Variants in VWA8 observed in about 807,000 individuals in gnomAD.
VWA8 encodes von Willebrand factor A domain containing 8, also known as von Willebrand factor A domain-containing protein 8.
VWA8 carries 221 observed loss-of-function variants against 241.5 expected under a neutral mutation model. The observed-to-expected ratio is 0.91, with a 90% CI of 0.82 to 1.02. The LOEUF is 1.02. Ranked by LOEUF, VWA8 falls within the 50% of genes least tolerant of loss-of-function variation. The pLI, the probability that VWA8 is intolerant of heterozygous loss-of-function variation, is 0.00. For missense variants in VWA8, 2,322 were observed against 2,328.7 expected, an observed-to-expected ratio of 1.00 and a Z score of 0.06; for synonymous variants, 852 against 827.1, an observed-to-expected ratio of 1.03 and a Z score of -0.52.
chr13:41,579,557 T>C (rs2044369921), intron 42 of VWA8, among the ~76,000 whole-genome samples: 1 of 152,240 alleles, frequency 6.6e-6, no homozygotes, highest in Admixed American at 6.5e-5. Flanking sequence ...TCTCTAACAC[T>C]GTATGCTTGT....
chr13:41,569,712 A>G (rs2044287401), intron 44 of VWA8, among the ~76,000 whole-genome samples: 2 of 151,812 alleles, frequency 1.3e-5, no homozygotes, highest in Non-Finnish European at 2.9e-5. Flanking sequence ...TTTTAAACAC[A>G]GAAAAACCAT....
chr13:41,583,642 C>CAA (rs935505646), intron 42 of VWA8, among the ~76,000 whole-genome samples: 20 of 42,014 alleles, frequency 4.8e-4, no homozygotes, highest in Non-Finnish European at 7.1e-4. Context: ...GACTCCATCT[C>CAA]AAAAAAAAAA....
intron 40 of VWA8, among the ~76,000 whole-genome samples, chr13:41,597,619 CT>C (rs2044497025): frequency 6.6e-6 from 1 of 151,778 alleles, no homozygotes; most frequent in Admixed American, 6.6e-5. Context: ...TCTATAGTCA[CT>C]TTTTATGAAC....
intron 17 of VWA8, among the ~76,000 whole-genome samples, chr13:41,799,794 T>A (rs1327902190): frequency 6.6e-6 from 1 of 152,180 alleles, no homozygotes; most frequent in South Asian, 2.1e-4. Flanking sequence ...AATTCAGATA[T>A]CACACAATTC....
chr13:41,904,062 C>A (rs1875585331), intron 4 of VWA8, among the ~76,000 whole-genome samples: 1 of 152,020 alleles, frequency 6.6e-6, no homozygotes, highest in Admixed American at 6.6e-5. Context: ...AGGTAAGACA[C>A]TTAAAATATT....
At chr13:41,786,967 A>G (rs567251419) in intron 18 of VWA8, among the ~76,000 whole-genome samples, 9 of 151,976 alleles carry the variant, frequency 5.9e-5, no homozygotes, top group Non-Finnish European at 1.0e-4. Flanking sequence ...AAATGGAATG[A>G]ATAAGAGGGC....
intron 26 of VWA8, among the ~76,000 whole-genome samples, chr13:41,711,700 C>T (rs1202082884): frequency 1.3e-5 from 2 of 152,004 alleles, no homozygotes; most frequent in Admixed American, 6.6e-5. Flanking sequence ...CGGTGAAACC[C>T]CGTCTCTACT....
At chr13:41,799,441 T>C (rs1308270242) in intron 17 of VWA8, among the ~76,000 whole-genome samples, 1 of 152,212 alleles carries the variant, frequency 6.6e-6, no homozygotes, top group Non-Finnish European at 1.5e-5. Context: ...TGATTCCTCA[T>C]GGTGACAGTT....
chr13:41,570,562 T>G lies in VWA8; in HGVS notation c.5515A>C (p.Ile1839Leu), dbSNP rs556721352. 6 of 1,614,222 alleles carry G rather than the reference T, an allele frequency of 3.7e-6. 1 individual carries two copies. In the South Asian group the frequency reaches 6.6e-5, roughly 18 times the overall value. Residue 1839 changes from isoleucine (I) to leucine (L), a missense_variant, in exon 44 of 45, where the codon ATA becomes CTA. By Grantham distance (5) the Ile-to-Leu change is conservative. Coordinates refer to ENST00000379310, the MANE Select transcript of VWA8 (RefSeq NM_015058.2). ...ATTTGAGCAAACTTAGCAGGATGTATTCCATATCGTGACAGATTTGCATCA... is the reference window on the plus strand; with the variant it reads ...ATTTGAGCAAACTTAGCAGGATGTAGTCCATATCGTGACAGATTTGCATCA... Reference protein sequence around the residue: ...LSDANLSRYGIHPAKFAQILT... With the variant: ...LSDANLSRYGLHPAKFAQILT...
At chr13:41,923,029 C>T (rs1876632855) in intron 2 of VWA8, among the ~76,000 whole-genome samples, 1 of 152,168 alleles carries the variant, frequency 6.6e-6, no homozygotes, top group African/African-American at 2.4e-5. Context: ...AGACTTGGAA[C>T]CAACCCAAAT....
intron 23 of VWA8, 35 bp downstream of exon 23, chr13:41,729,503 GTATT>G (rs1555326979): frequency 6.3e-7 from 1 of 1,584,802 alleles, no homozygotes; most frequent in Non-Finnish European, 8.6e-7. Flanking sequence ...TATAAACATT[GTATT>G]TATTAAAGGA....
intron 37 of VWA8, among the ~76,000 whole-genome samples, chr13:41,656,144 G>T (rs1212322166): frequency 6.6e-6 from 1 of 152,178 alleles, no homozygotes; most frequent in East Asian, 1.9e-4. Context: ...TTCCGATATT[G>T]TGTCAGATTT....
At chr13:41,924,892 T>C (rs1876756044) in intron 2 of VWA8, among the ~76,000 whole-genome samples, 1 of 150,628 alleles carries the variant, frequency 6.6e-6, no homozygotes, top group Admixed American at 6.6e-5. Flanking sequence ...TATTGGAAGA[T>C]ATATGGACAT....
intron 36 of VWA8, among the ~76,000 whole-genome samples, chr13:41,673,631 A>G (rs2045040764): frequency 6.6e-6 from 1 of 152,256 alleles, no homozygotes; most frequent in Non-Finnish European, 1.5e-5. Flanking sequence ...CATATTGACT[A>G]CATGTCAAAA....
intron 12 of VWA8, among the ~76,000 whole-genome samples, chr13:41,855,504 A>G (rs1872713383): frequency 6.6e-6 from 1 of 151,592 alleles, no homozygotes; most frequent in East Asian, 1.9e-4. Flanking sequence ...AATTAAAAGG[A>G]ACAAACTACT....
intron 37 of VWA8, among the ~76,000 whole-genome samples, chr13:41,646,291 G>A (rs1343660049): frequency 6.6e-6 from 1 of 152,046 alleles, no homozygotes; most frequent in Non-Finnish European, 1.5e-5. Context: ...TTATGTGTAG[G>A]GTTGAACAAT....
intron 19 of VWA8, among the ~76,000 whole-genome samples, chr13:41,780,383 T>TCC (rs1868837347): frequency 1.3e-5 from 2 of 152,158 alleles, no homozygotes; most frequent in Non-Finnish European, 2.9e-5. Flanking sequence ...CATCTAAAAC[T>TCC]CAACTTATTA....
Position 41,590,668 on chromosome 13 carries a change from T to G in VWA8, c.5084A>C (p.Tyr1695Ser), listed in dbSNP as rs761347448. 14 of 1,614,036 alleles carry G rather than the reference T, an allele frequency of 8.7e-6. No individual in the cohort carries two copies. The African/African-American group carries it at 1.6e-4, about 18-fold the overall frequency. Residue 1695 changes from tyrosine (Y) to serine (S), a missense_variant, in exon 41 of 45, where the codon TAC becomes TCC. Transcript: ENST00000379310. The part of the protein sequence containing the change: ...IDGLTGEKAI[Y>S]KRRGELEPQL... ...TGGCTCCAGCTCACCCCGACGTTTGTAGATGGCTTTTTCTCCAGTCAGCCC... is the reference window on the plus strand; with the variant it reads ...TGGCTCCAGCTCACCCCGACGTTTGGAGATGGCTTTTTCTCCAGTCAGCCC...
rs192031234 is a variant in VWA8, at chr13:41,958,246, G to A, written c.163+2607C>T. On this transcript the variant is annotated intron_variant, in intron 1 of 44. Coordinates refer to ENST00000379310, the MANE Select transcript of VWA8 (RefSeq NM_015058.2). ...CAAAGGTCCTCTCTTGAGAGCAAAC[G>A]ACAATTCCAGCCTCTCCTGCTCCTT... Among the ~76,000 whole-genome samples the A allele has an allele frequency of 9.2e-5, 14 of 151,712 alleles. No homozygotes were observed. The East Asian group carries it at 2.5e-3, about 27-fold the overall frequency.
Sources: gnomAD v4.1 joint callset for allele counts (sites outside exome capture counted in the v4.1 genomes callset) on GRCh38, gnomAD v4.1.1 for gene constraint, MANE v1.5 for transcripts, NCBI Gene and HGNC (gene_info 2026-07-23, HGNC 2026-07-21) for gene names.